Variants in USP31 observed in about 807,000 individuals in gnomAD.
USP31 encodes ubiquitin carboxyl-terminal hydrolase 31.
In USP31, 44 loss-of-function variants were observed where a neutral mutation model predicts 119.4. The ratio of observed to expected loss-of-function variants is 0.37; its 90% confidence interval spans 0.29 to 0.47. The LOEUF (loss-of-function observed/expected upper bound fraction) is 0.47, where lower values mean the gene tolerates loss of function less well. Among genes scored for constraint, USP31 ranks in the 20% least tolerant of loss-of-function variants. USP31 has a pLI of 0.99. For missense variants in USP31, 1,643 were observed against 1,730.2 expected, an observed-to-expected ratio of 0.95 and a Z score of 0.89; for synonymous variants, 749 against 705.6, an observed-to-expected ratio of 1.06 and a Z score of -0.97.
intron 1 of USP31, among the ~76,000 whole-genome samples, chr16:23,125,875 GA>G (rs1412262268): frequency 6.6e-6 from 1 of 152,144 alleles, no homozygotes; most frequent in Non-Finnish European, 1.5e-5. Flanking sequence ...AGAAAGCGTT[GA>G]ATTTCCTTCT....
Position 23,111,599 on chromosome 16 carries a change from G to A in USP31, c.634-3416C>T, listed in dbSNP as rs576063646. 3.9e-5 allele frequency among the ~76,000 whole-genome samples: 6 copies of A among 152,286 alleles called. No homozygotes were observed. In the East Asian group the frequency reaches 9.6e-4, roughly 24 times the overall value. ...GAGTCTATGCTAAGGACAAAGATTT[G>A]GAATTCAACAGATGGGGGGTGGTGG... On this transcript the variant is annotated intron_variant, in intron 1 of 15. Coordinates refer to ENST00000219689, the MANE Select transcript of USP31 (RefSeq NM_020718.4).
intron 1 of USP31, among the ~76,000 whole-genome samples, 177 bp from the exon 2 acceptor site, chr16:23,108,360 A>G (rs1035611201): frequency 6.6e-6 from 1 of 152,224 alleles, no homozygotes. Flanking sequence ...AGAAACATGT[A>G]CCAGAACCCT....
At position 23,062,563 on chromosome 16, in the gene USP31, A is replaced by T. The variant is rs1312314558; in HGVS notation, c.*5483T>A. The T allele has an allele frequency of 3.3e-5, 5 of 152,650 alleles. No individual in the cohort carries two copies. The highest frequency in any genetic ancestry group is 3.3e-4 in the Admixed American group (5 of 15,290). The allele number at this position is 152,650 out of a possible 1,614,324, so 9.5% of individuals were successfully genotyped here. A position where few individuals can be genotyped will look rare whatever the true frequency, so the allele number is the denominator to read the frequency against. On this transcript the variant is annotated 3_prime_UTR_variant, in exon 16 of 16. Coordinates refer to ENST00000219689, the MANE Select transcript of USP31 (RefSeq NM_020718.4). ...GGCAATAATTCTATCAAAAGCAGGG[A>T]CAGGCTTTCCAAGGCTAGGAAGGTT... is the stretch of plus-strand genomic sequence containing the variant.
chr16:23,102,340 C>G lies in USP31; in HGVS notation c.1213G>C (p.Glu405Gln), dbSNP rs1369952441. The G allele has an allele frequency of 6.2e-7, 1 of 1,613,570 alleles. No individual in the cohort carries two copies. Among genetic ancestry groups the G allele is most frequent in the Non-Finnish European group, 8.5e-7 (1 of 1,179,810 alleles). ...AFETPEIFRP[E>Q]GILSQRGIHL... ...TTACCTCTTTGACTGAGAATTCCTT[C>G]AGGCCTAAATATTTCGGGAGTCTCA... Residue 405 changes from glutamate (E) to glutamine (Q), a missense_variant, in exon 6 of 16, where the codon GAA (glutamate) becomes CAA (glutamine). Glu to Gln is a conservative substitution (Grantham distance 29, BLOSUM62 2). This residue lies in a region of USP31 where 219 missense variants were observed against 226.4 expected (regional missense o/e 0.97). Transcript: ENST00000219689.
chr16:23,130,394 T>A (rs998151271), intron 1 of USP31, among the ~76,000 whole-genome samples: 2 of 149,398 alleles, frequency 1.3e-5, no homozygotes, highest in East Asian at 3.9e-4. Flanking sequence ...GAGCCCAGCC[T>A]GGTCAACAAA....
intron 14 of USP31, 70 bp downstream of exon 14, chr16:23,073,652 G>A: frequency 1.3e-6 from 2 of 1,540,660 alleles, no homozygotes; most frequent in East Asian, 4.5e-5. Flanking sequence ...CCTCCAGAGA[G>A]GTCCTCTAGA....
chr16:23,116,606 G>A (rs368882776), intron 1 of USP31, among the ~76,000 whole-genome samples: 16 of 152,260 alleles, frequency 1.1e-4, no homozygotes, highest in African/African-American at 2.9e-4. Context: ...CTCCTCTGAG[G>A]GGAGAGGAGA....
At position 23,069,493 on chromosome 16, in the gene USP31, G is replaced by A; in HGVS notation, c.2612C>T (p.Ala871Val). The change falls in exon 16 of 16, where the codon GCT becomes GTT. Residue 871 changes from alanine to valine, a missense_variant. This residue lies in a region of USP31 where 699 missense variants were observed against 650.9 expected (regional missense o/e 1.07). Transcript: ENST00000219689. ...AGAATTGGAGCGCATCTGCAGCTTA[G>A]CAGACAGGGACCATGAAGGTCTCAT... ...NCMRPSWSLSAKLQMRSNSPS... is the reference protein window; with the variant it reads ...NCMRPSWSLSVKLQMRSNSPS... 13 of 1,614,242 alleles carry A rather than the reference G, an allele frequency of 8.1e-6. No individual in the cohort carries two copies. Among genetic ancestry groups the A allele is most frequent in the South Asian group, 1.1e-5 (1 of 91,078 alleles).
chr16:23,139,141 G>A (rs572070705), intron 1 of USP31, among the ~76,000 whole-genome samples: 1 of 152,272 alleles, frequency 6.6e-6, no homozygotes, highest in Middle Eastern at 3.4e-3. Context: ...GGTGGCTCAC[G>A]CCTGTAATCG....
intron 1 of USP31, among the ~76,000 whole-genome samples, chr16:23,134,345 G>T (rs1309987639): frequency 1.3e-5 from 2 of 152,090 alleles, no homozygotes. Context: ...GAGTAACAAT[G>T]GTAACAACAT....
Position 23,106,146 on chromosome 16 carries a change from G to A in USP31, c.953+67C>T. ...TCTAAATAAGTAAGAAGACCTAATA[G>A]GAGCCTACAGAGGCAAAGGGATACC... On this transcript the variant is annotated intron_variant, in intron 4 of 15. Transcript: ENST00000219689. 2.0e-6 allele frequency: 3 copies of A among 1,536,002 alleles called. No individual in the cohort carries two copies. In the South Asian group the frequency reaches 3.4e-5, roughly 17 times the overall value.
intron 2 of USP31, among the ~76,000 whole-genome samples, chr16:23,107,112 C>CAA (rs550513867): frequency 7.0e-5 from 9 of 128,808 alleles, no homozygotes; most frequent in Non-Finnish European, 5.0e-5. Flanking sequence ...AAGTCCGTCT[C>CAA]AAAAAAAAAA....
intron 14 of USP31, among the ~76,000 whole-genome samples, chr16:23,072,948 T>C (rs969486160): frequency 6.6e-6 from 1 of 152,004 alleles, no homozygotes; most frequent in Non-Finnish European, 1.5e-5. Flanking sequence ...TTGTTTTCAC[T>C]GCTTTGAACT....
At position 23,069,049 on chromosome 16, in the gene USP31, G is replaced by A. The variant is rs1171758844; in HGVS notation, c.3056C>T (p.Pro1019Leu). 4 of 1,612,902 alleles carry A rather than the reference G, an allele frequency of 2.5e-6. No homozygotes were observed. Among genetic ancestry groups the A allele is most frequent in the African/African-American group, 1.3e-5 (1 of 74,924 alleles). Reference sequence around the variant, plus strand: ...GGGGGATCTCTTAGTTGTGCTCTCTGGTTTCTTTGCGAGTGAGCCTGGGTG... The same window carrying A: ...GGGGGATCTCTTAGTTGTGCTCTCTAGTTTCTTTGCGAGTGAGCCTGGGTG... ...PSHPGSLAKK[P>L]ESTTKRSPSS... The change falls in exon 16 of 16, where the codon CCA becomes CTA. Residue 1019 changes from proline to leucine, a missense_variant. Pro to Leu is a moderately conservative substitution (Grantham distance 98, BLOSUM62 -3). This residue lies in a region of USP31 where 699 missense variants were observed against 650.9 expected (regional missense o/e 1.07). Coordinates refer to ENST00000219689, the MANE Select transcript of USP31 (RefSeq NM_020718.4).
intron 12 of USP31, among the ~76,000 whole-genome samples, chr16:23,080,472 G>A (rs1038038227): frequency 6.6e-6 from 1 of 152,098 alleles, no homozygotes; most frequent in Non-Finnish European, 1.5e-5. Context: ...AAAAATGACA[G>A]TATCAGGTGG....
chr16:23,092,774 A>C (rs902707376), intron 6 of USP31, among the ~76,000 whole-genome samples: 2 of 152,210 alleles, frequency 1.3e-5, no homozygotes, highest in African/African-American at 4.8e-5. Context: ...GAGAAAACTG[A>C]ATTGTAAGCT....
intron 6 of USP31, among the ~76,000 whole-genome samples, chr16:23,100,506 C>T (rs931954894): frequency 6.6e-6 from 1 of 152,142 alleles, no homozygotes. Flanking sequence ...GGTGTGGTGG[C>T]TCATGCCTGT....
At chr16:23,144,046 T>C (rs1239013917) in intron 1 of USP31, among the ~76,000 whole-genome samples, 1 of 152,214 alleles carries the variant, frequency 6.6e-6, no homozygotes, top group African/African-American at 2.4e-5. Flanking sequence ...TCAACTCATT[T>C]CATCCTGGGA....
At chr16:23,087,901 T>A in intron 7 of USP31, 66 bp from the exon 8 acceptor site, 1 of 1,385,564 alleles carries the variant, frequency 7.2e-7, no homozygotes, top group Non-Finnish European at 1.0e-6. Context: ...GTTATCTTTT[T>A]TTCTCGATCT....
Sources: gnomAD v4.1 joint callset for allele counts (sites outside exome capture counted in the v4.1 genomes callset) on GRCh38, gnomAD v4.1.1 for gene constraint, gnomAD v4.1.1 regional missense constraint, MANE v1.5 for transcripts, NCBI Gene and HGNC (gene_info 2026-07-23, HGNC 2026-07-21) for gene names.